The following MCC variants were observed in gnomAD, a reference collection of about 807,000 sequenced individuals.
MCC encodes colorectal mutant cancer protein.
MCC carries 90 observed loss-of-function variants against 116.2 expected under a neutral mutation model. The observed-to-expected ratio is 0.77, with a 90% CI of 0.65 to 0.92. The LOEUF (loss-of-function observed/expected upper bound fraction) is 0.92. Ranked by LOEUF, MCC falls within the 40% of genes least tolerant of loss-of-function variation. The pLI, the probability that MCC is intolerant of heterozygous loss-of-function variation, is 0.00. For missense variants in MCC, 1,516 were observed against 1,312.2 expected (o/e 1.16, Z -2.40); for synonymous variants, 578 against 510.5 (o/e 1.13, Z -1.78).
intron 3 of MCC, among the ~76,000 whole-genome samples, chr5:113,222,722 A>G (rs1237336210): frequency 6.6e-6 from 1 of 152,232 alleles, no homozygotes; most frequent in Non-Finnish European, 1.5e-5. Context: ...TGTTTGACTT[A>G]TGGGGCAATG....
At position 113,237,565 on chromosome 5, in the gene MCC, T is replaced by C. The variant is rs1764179864; in HGVS notation, c.628-86143A>G. ...CTTATTTCTGCCAAGAAGGGTTACT[T>C]GCATTAAAATGACAGCAGTCACCAA... is the stretch of plus-strand genomic sequence containing the variant. On this transcript the variant is annotated intron_variant, in intron 3 of 18. Coordinates refer to ENST00000408903, the MANE Select transcript of MCC (RefSeq NM_001085377.2). Among the ~76,000 whole-genome samples the C allele has an allele frequency of 2.0e-5, 3 of 152,164 alleles. 1 individual carries two copies. The South Asian group carries it at 6.2e-4, about 31-fold the overall frequency.
At chr5:113,322,132 C>A (rs1438712813) in intron 3 of MCC, among the ~76,000 whole-genome samples, 5 of 152,132 alleles carry the variant, frequency 3.3e-5, no homozygotes, top group African/African-American at 4.8e-5. Flanking sequence ...GCACCTGGCC[C>A]ATGATTTGTA....
rs11954551 is a variant in MCC, at chr5:113,334,442, G to A, written c.627+6077C>T. 5.8e-3 allele frequency among the ~76,000 whole-genome samples: 881 copies of A among 151,306 alleles called. 34 individuals are homozygous for A. The highest frequency in any genetic ancestry group is 0.02 in the African/African-American group (808 of 40,798). ...AGGATGGTCAGACTCCCGGGTTCAC[G>A]CGATCTGCCCACCTTGGCCTCCCAA... On this transcript the variant is annotated intron_variant, in intron 3 of 18. Transcript: ENST00000408903.
At chr5:113,047,956 C>T (rs542603199) in intron 16 of MCC, among the ~76,000 whole-genome samples, 2 of 152,278 alleles carry the variant, frequency 1.3e-5, no homozygotes, top group East Asian at 3.9e-4. Flanking sequence ...CCTCCTCTGC[C>T]GGCAGGCTGA....
At chr5:113,433,658 T>C in intron 1 of MCC, 1 of 1,499,466 alleles carries the variant, frequency 6.7e-7, no homozygotes, top group Non-Finnish European at 8.9e-7. Flanking sequence ...GCCTTCCTTC[T>C]CTGGCTCCAC....
intron 8 of MCC, among the ~76,000 whole-genome samples, chr5:113,096,669 A>C (rs1756045154): frequency 6.6e-6 from 1 of 152,148 alleles, no homozygotes; most frequent in South Asian, 2.1e-4. Flanking sequence ...GGAGCCTTTG[A>C]GTGGGCTCTT....
chr5:113,081,174 C>G (rs1182665789), intron 11 of MCC, among the ~76,000 whole-genome samples: 1 of 152,150 alleles, frequency 6.6e-6, no homozygotes, highest in African/African-American at 2.4e-5. Flanking sequence ...TCAGGATATA[C>G]TGGTAGCTTA....
chr5:113,135,259 A>C (rs1758742428), intron 5 of MCC, among the ~76,000 whole-genome samples: 1 of 148,208 alleles, frequency 6.7e-6, no homozygotes, highest in South Asian at 2.2e-4. Context: ...TCTTTGGTTA[A>C]ATTTATTCTT....
chr5:113,209,189 C>A (rs1013162850), intron 3 of MCC, among the ~76,000 whole-genome samples: 1 of 152,126 alleles, frequency 6.6e-6, no homozygotes, highest in African/African-American at 2.4e-5. Context: ...ATGCTCTAAG[C>A]AATTCATTAA....
At chr5:113,089,143 G>A (rs1218222897) in intron 8 of MCC, among the ~76,000 whole-genome samples, 2 of 152,242 alleles carry the variant, frequency 1.3e-5, no homozygotes, top group Middle Eastern at 3.4e-3. Flanking sequence ...CACTTCTCCT[G>A]AAGTTACTGC....
chr5:113,051,838 A>C (rs1035108136), intron 15 of MCC, among the ~76,000 whole-genome samples: 1 of 152,224 alleles, frequency 6.6e-6, no homozygotes, highest in African/African-American at 2.4e-5. Flanking sequence ...TGAATTTCTC[A>C]GCAGTTGGAT....
chr5:113,412,986 G>C (rs1364742817), intron 1 of MCC, among the ~76,000 whole-genome samples: 3 of 152,192 alleles, frequency 2.0e-5, no homozygotes, highest in African/African-American at 7.2e-5. Flanking sequence ...ATGAAGAGTT[G>C]TTGAATTTTG....
At chr5:113,058,488 A>G (rs1450377619) in intron 14 of MCC, among the ~76,000 whole-genome samples, 1 of 152,178 alleles carries the variant, frequency 6.6e-6, no homozygotes, top group Non-Finnish European at 1.5e-5. Flanking sequence ...ACTCTGATGC[A>G]CGCTTAGGTG....
intron 14 of MCC, among the ~76,000 whole-genome samples, chr5:113,062,266 C>T (rs1221418518): frequency 6.6e-6 from 1 of 152,184 alleles, no homozygotes; most frequent in African/African-American, 2.4e-5. Context: ...AAAACAGGAT[C>T]CCAAATTAAA....
chr5:113,114,136 A>G (rs1449007848), intron 6 of MCC, among the ~76,000 whole-genome samples: 1 of 152,188 alleles, frequency 6.6e-6, no homozygotes, highest in Non-Finnish European at 1.5e-5. Flanking sequence ...AGAGAAAAAA[A>G]TCAAAATGTG....
chr5:113,098,993 C>T (rs188751130), intron 8 of MCC, among the ~76,000 whole-genome samples: 3 of 152,076 alleles, frequency 2.0e-5, no homozygotes, highest in Admixed American at 1.3e-4. Flanking sequence ...ATGACAACCA[C>T]GAAGGACAGA....
chr5:113,458,248 C>T (rs1317488269), intron 1 of MCC, among the ~76,000 whole-genome samples: 3 of 152,164 alleles, frequency 2.0e-5, no homozygotes, highest in Non-Finnish European at 4.4e-5. Context: ...AGCTGTAACA[C>T]TCACTGCGAA....
At chr5:113,029,938 G>C (rs1264227160) in intron 17 of MCC, among the ~76,000 whole-genome samples, 1 of 152,180 alleles carries the variant, frequency 6.6e-6, no homozygotes, top group Admixed American at 6.5e-5. Flanking sequence ...GACTTTACTT[G>C]GTTTGATTCC....
chr5:113,379,978 A>G (rs1172075508), intron 2 of MCC, among the ~76,000 whole-genome samples: 1 of 152,242 alleles, frequency 6.6e-6, no homozygotes, highest in Non-Finnish European at 1.5e-5. Context: ...TGTACTTAAC[A>G]AAGAAATTCC....
Sources: allele counts gnomAD v4.1 joint callset (sites outside exome capture counted in the v4.1 genomes callset), GRCh38; gene constraint gnomAD v4.1.1; transcripts MANE v1.5; gene names NCBI Gene and HGNC (gene_info 2026-07-23, HGNC 2026-07-21).